Variants in RPS6KC1 observed in about 807,000 individuals in gnomAD.
The protein encoded by RPS6KC1 is inactive ribosomal protein S6 kinase delta-1.
Under a neutral mutation model 103.8 loss-of-function variants are expected in RPS6KC1, and 54 were observed. The observed-to-expected ratio is 0.52, with a 90% CI of 0.42 to 0.65. RPS6KC1 has a LOEUF of 0.65. Ranked by LOEUF, RPS6KC1 falls within the 30% of genes least tolerant of loss-of-function variation. The probability of loss-of-function intolerance (pLI) is 0.00; values close to 1 mark genes in which losing one functional copy is unlikely to be tolerated. For missense variants in RPS6KC1, 1,151 were observed against 1,253.8 expected (o/e 0.92, Z 1.24); for synonymous variants, 439 against 438.7 (o/e 1.00, Z -0.01).
the RPS6KC1 span, among the ~76,000 whole-genome samples, chr1:213,786,111 G>T: frequency 2.0e-5 from 3 of 152,038 alleles, no homozygotes; most frequent in African/African-American, 4.8e-5. Flanking sequence ...AGGGAGGGAA[G>T]AATAGAAAGG....
chr1:213,507,614 G>A, the RPS6KC1 span, among the ~76,000 whole-genome samples: 1 of 148,214 alleles, frequency 6.7e-6, no homozygotes, highest in Admixed American at 6.8e-5. Context: ...CCCATCCACC[G>A]CTCAGAGCCC....
chr1:213,412,280 CCTT>C, the RPS6KC1 span, among the ~76,000 whole-genome samples: 1 of 152,216 alleles, frequency 6.6e-6, no homozygotes, highest in African/African-American at 2.4e-5. Context: ...TTAGATCCAT[CCTT>C]CTCTATTAGA....
chr1:213,691,199 G>C, the RPS6KC1 span, among the ~76,000 whole-genome samples: 1 of 152,144 alleles, frequency 6.6e-6, no homozygotes, highest in African/African-American at 2.4e-5. Flanking sequence ...TTGCTGTGCC[G>C]AGCCAATCTA....
the RPS6KC1 span, among the ~76,000 whole-genome samples, chr1:213,709,128 C>A: frequency 6.6e-6 from 1 of 152,186 alleles, no homozygotes; most frequent in South Asian, 2.1e-4. Context: ...AGGAATGATA[C>A]CAGCTCCTCT....
chr1:213,556,552 A>G, the RPS6KC1 span, among the ~76,000 whole-genome samples: 1 of 152,220 alleles, frequency 6.6e-6, no homozygotes, highest in Non-Finnish European at 1.5e-5. Context: ...GATGGAACTT[A>G]TATTAAGAAT....
Position 213,261,542 on chromosome 1 carries a change from T to A in RPS6KC1, c.2912-16T>A, listed in dbSNP as rs1558653232. The A allele has an allele frequency of 6.2e-7, 1 of 1,611,136 alleles. No homozygotes were observed. The highest frequency in any genetic ancestry group is 8.5e-7 in the Non-Finnish European group (1 of 1,177,626). ...ACCTTTGGAATTTTAATATCAACCT[T>A]TTTTGGTGTGGTTAGAGGTTGGAGC... is the stretch of plus-strand genomic sequence containing the variant. On this transcript the variant is annotated splice_polypyrimidine_tract_variant and intron_variant, in intron 12 of 14. Coordinates refer to ENST00000366960, the MANE Select transcript of RPS6KC1 (RefSeq NM_012424.6).
the RPS6KC1 span, among the ~76,000 whole-genome samples, chr1:213,773,262 G>A: frequency 2.0e-5 from 3 of 152,134 alleles, no homozygotes; most frequent in East Asian, 5.8e-4. Flanking sequence ...CCTTTGGAGC[G>A]AGAGAATGGG....
At chr1:213,390,269 T>A in the RPS6KC1 span, among the ~76,000 whole-genome samples, 1 of 152,250 alleles carries the variant, frequency 6.6e-6, no homozygotes, top group African/African-American at 2.4e-5. Flanking sequence ...CGAGGGTTTT[T>A]TCTTTTACAA....
the RPS6KC1 span, among the ~76,000 whole-genome samples, chr1:213,842,986 C>T: frequency 1.9e-3 from 285 of 152,224 alleles, no homozygotes; most frequent in African/African-American, 6.6e-3. Flanking sequence ...AATGGGTTTA[C>T]ATGATTGTGG....
chr1:213,696,632 T>C, the RPS6KC1 span, among the ~76,000 whole-genome samples: 21 of 152,178 alleles, frequency 1.4e-4, no homozygotes, highest in African/African-American at 5.1e-4. Context: ...ATACTCCTTT[T>C]TCCAATTGAG....
At chr1:213,444,459 G>C in the RPS6KC1 span, among the ~76,000 whole-genome samples, 8 of 152,172 alleles carry the variant, frequency 5.3e-5, no homozygotes, top group African/African-American at 1.9e-4. Context: ...TCCTCCATGT[G>C]AGCTGCATTT....
the RPS6KC1 span, among the ~76,000 whole-genome samples, chr1:213,403,251 G>A: frequency 8.5e-5 from 13 of 152,182 alleles, no homozygotes; most frequent in Non-Finnish European, 1.6e-4. Context: ...CTCAGCTCAG[G>A]AGACTTTTTG....
At chr1:213,380,309 A>C in the RPS6KC1 span, among the ~76,000 whole-genome samples, 1 of 152,170 alleles carries the variant, frequency 6.6e-6, no homozygotes, top group Non-Finnish European at 1.5e-5. Context: ...GAACAACACA[A>C]CAATAGGGCC....
At chr1:213,404,025 G>A in the RPS6KC1 span, among the ~76,000 whole-genome samples, 19 of 152,190 alleles carry the variant, frequency 1.2e-4, no homozygotes, top group Admixed American at 1.2e-3. Flanking sequence ...GAGGGAGGCT[G>A]GGTAGAGCTG....
chr1:213,177,388 G>A (rs544058175), intron 8 of RPS6KC1, among the ~76,000 whole-genome samples: 1 of 152,062 alleles, frequency 6.6e-6, no homozygotes, highest in African/African-American at 2.4e-5. Flanking sequence ...GCACCTTAAT[G>A]TTCATTTTTA....
At chr1:213,356,511 C>T in the RPS6KC1 span, among the ~76,000 whole-genome samples, 12 of 152,192 alleles carry the variant, frequency 7.9e-5, no homozygotes, top group Admixed American at 2.0e-4. Flanking sequence ...AAAAAATTAG[C>T]GGGGCGTGAT....
intron 1 of RPS6KC1, among the ~76,000 whole-genome samples, chr1:213,064,690 T>TTC (rs1450526099): frequency 6.8e-6 from 1 of 147,138 alleles, no homozygotes; most frequent in Non-Finnish European, 1.5e-5. Context: ...TTTTTTTTTT[T>TTC]TTTTTGAGAT....
chr1:213,850,991 G>A, the RPS6KC1 span, among the ~76,000 whole-genome samples: 3 of 152,014 alleles, frequency 2.0e-5, no homozygotes, highest in African/African-American at 4.8e-5. Flanking sequence ...GGAGCCCTTC[G>A]AATTTTCAAC....
At chr1:213,574,541 T>G in the RPS6KC1 span, among the ~76,000 whole-genome samples, 1 of 152,178 alleles carries the variant, frequency 6.6e-6, no homozygotes, top group Non-Finnish European at 1.5e-5. Flanking sequence ...TTAGTAAGCT[T>G]GCAATCTAAT....
Sources: allele counts gnomAD v4.1 joint callset (sites outside exome capture counted in the v4.1 genomes callset), GRCh38; gene constraint gnomAD v4.1.1; transcripts MANE v1.5; gene names NCBI Gene and HGNC (gene_info 2026-07-23, HGNC 2026-07-21).